COL14A1: variants seen among roughly 807,000 people sequenced by gnomAD.
COL14A1 encodes the protein collagen type XIV alpha 1 chain, also known as collagen alpha-1(XIV) chain.
A neutral mutation model predicts 230.3 loss-of-function variants in COL14A1; 136 were observed. The observed-to-expected ratio is 0.59, with a 90% CI of 0.51 to 0.68. COL14A1 has a LOEUF of 0.68. COL14A1 is among the 30% of genes least tolerant of loss of function. The pLI, the probability that COL14A1 is intolerant of heterozygous loss-of-function variation, is 0.00. For missense variants in COL14A1, 1,976 were observed against 2,215.8 expected (o/e 0.89, Z 2.17); for synonymous variants, 792 against 784.1 (o/e 1.01, Z -0.17).
At chr8:120,192,732 G>C (rs949687502) in intron 5 of COL14A1, among the ~76,000 whole-genome samples, 1 of 152,080 alleles carries the variant, frequency 6.6e-6, no homozygotes, top group East Asian at 1.9e-4. Context: ...TTTCTTGGAG[G>C]CTTTGTTCAT....
chr8:120,227,131 G>T, intron 16 of COL14A1, 89 bp from the exon 17 acceptor site: 1 of 1,438,864 alleles, frequency 6.9e-7, no homozygotes, highest in African/African-American at 1.4e-5. Flanking sequence ...CTTTATGATT[G>T]GTTGTTTCTT....
At chr8:120,332,415 C>G (rs1190438936) in intron 41 of COL14A1, among the ~76,000 whole-genome samples, 2 of 152,170 alleles carry the variant, frequency 1.3e-5, no homozygotes, top group Admixed American at 1.3e-4. Flanking sequence ...AGATCACCTG[C>G]ATTGACTTAG....
intron 19 of COL14A1, among the ~76,000 whole-genome samples, chr8:120,240,571 A>G (rs1343337009): frequency 6.6e-6 from 1 of 152,180 alleles, no homozygotes; most frequent in Non-Finnish European, 1.5e-5. Context: ...GAAAGCAAGA[A>G]AGGAAATGTG....
At chr8:120,209,688 T>A in intron 11 of COL14A1, 68 bp from the exon 12 acceptor site, 2 of 1,464,652 alleles carry the variant, frequency 1.4e-6, no homozygotes, top group Non-Finnish European at 1.8e-6. Flanking sequence ...TCTTATTTCT[T>A]GATAATTTCA....
rs562835497 is a variant in COL14A1 at position 120,205,300 on chromosome 8, G to C, written c.1039+1430G>C. On this transcript the variant is annotated intron_variant, in intron 9 of 47. Transcript: ENST00000297848. ...CATGTCTGGGATATATGAGTAAAAG[G>C]AAGTGGGAGCTCACCGCTGGGAGCT... Among the ~76,000 whole-genome samples the C allele has an allele frequency of 2.6e-5, 4 of 152,226 alleles. No individual in the cohort carries two copies. In the East Asian group the frequency reaches 7.8e-4, roughly 30 times the overall value.
chr8:120,298,860 AG>A (rs1820618393), intron 35 of COL14A1, among the ~76,000 whole-genome samples: 1 of 151,546 alleles, frequency 6.6e-6, no homozygotes, highest in Non-Finnish European at 1.5e-5. Flanking sequence ...TTATAAAGGA[AG>A]GTTTAGTTGA....
At chr8:120,130,778 A>T (rs558512471) in intron 1 of COL14A1, among the ~76,000 whole-genome samples, 1 of 152,198 alleles carries the variant, frequency 6.6e-6, no homozygotes, top group Non-Finnish European at 1.5e-5. Context: ...ACATAGGTAT[A>T]TGTGTCATGC....
chr8:120,212,370 C>A, intron 12 of COL14A1, 78 bp from the exon 13 acceptor site: 2 of 1,462,598 alleles, frequency 1.4e-6, no homozygotes, highest in Non-Finnish European at 1.9e-6. Context: ...CATGAAGTCT[C>A]ACCTTTGTTC....
intron 3 of COL14A1, among the ~76,000 whole-genome samples, chr8:120,160,021 C>T (rs1443353050): frequency 1.3e-5 from 2 of 152,022 alleles, no homozygotes; most frequent in Non-Finnish European, 2.9e-5. Context: ...AAATATTATC[C>T]GTAGACTCAT....
chr8:120,209,615 T>A, intron 11 of COL14A1, 141 bp from the exon 12 acceptor site: 2 of 800,278 alleles, frequency 2.5e-6, no homozygotes, highest in Non-Finnish European at 3.8e-6. Flanking sequence ...ATCAGCATTG[T>A]TTAACCCAGG....
At chr8:120,354,595 C>G (rs1347069635) in intron 45 of COL14A1, among the ~76,000 whole-genome samples, 3 of 152,122 alleles carry the variant, frequency 2.0e-5, no homozygotes. Context: ...TTTGCTCCAT[C>G]TGATTGTCTC....
At chr8:120,353,478 CG>C (rs1822847238) in intron 45 of COL14A1, among the ~76,000 whole-genome samples, 1 of 134,200 alleles carries the variant, frequency 7.5e-6, no homozygotes, top group East Asian at 2.2e-4. Context: ...AGAAAATTTT[CG>C]CAACCTACTC....
In COL14A1 at chr8:120,244,010, TA is replaced by T; in HGVS notation, c.2479+4del. 1 of 1,610,328 alleles carries T rather than the reference TA, an allele frequency of 6.2e-7. No individual in the cohort carries two copies. The highest frequency in any genetic ancestry group is 8.5e-7 in the Non-Finnish European group (1 of 1,178,318). ...GCGTCTCCGCTCCTGGAAAAACCTGTAAGTGAAGCTTTCTCCCTTTGAATAC... is the reference window on the plus strand; with the variant it reads ...GCGTCTCCGCTCCTGGAAAAACCTGTAGTGAAGCTTTCTCCCTTTGAATAC... On this transcript the variant is annotated splice_donor_region_variant and intron_variant, in intron 20 of 47. Coordinates refer to ENST00000297848, the MANE Select transcript of COL14A1 (RefSeq NM_021110.4).
intron 45 of COL14A1, among the ~76,000 whole-genome samples, chr8:120,356,515 T>C (rs888155298): frequency 8.5e-5 from 13 of 152,250 alleles, no homozygotes; most frequent in Admixed American, 1.3e-4. Context: ...CAGCTTGTGC[T>C]GGGCATTGAT....
At chr8:120,219,039 ATATAAT>A (rs1817849649) in intron 14 of COL14A1, among the ~76,000 whole-genome samples, 1 of 150,766 alleles carries the variant, frequency 6.6e-6, no homozygotes. Flanking sequence ...ATATTTATAA[ATATAAT>A]TATATAATAA....
At chr8:120,134,749 C>T (rs1323655830) in intron 1 of COL14A1, among the ~76,000 whole-genome samples, 1 of 152,130 alleles carries the variant, frequency 6.6e-6, no homozygotes, top group Non-Finnish European at 1.5e-5. Flanking sequence ...CCGAGGAAGT[C>T]AGATCACTTG....
intron 19 of COL14A1, among the ~76,000 whole-genome samples, chr8:120,242,458 A>T (rs1178988507): frequency 6.6e-6 from 1 of 152,182 alleles, no homozygotes; most frequent in African/African-American, 2.4e-5. Context: ...TAACATCAAC[A>T]TGGGTGGTTT....
rs536288812 is a variant in COL14A1 at position 120,160,480 on chromosome 8, A to G, written c.206-1946A>G. Among the ~76,000 whole-genome samples, 19 of 152,294 alleles carry G rather than the reference A, an allele frequency of 1.2e-4. 1 individual carries two copies. Among genetic ancestry groups the G allele is most frequent in the African/African-American group, 4.1e-4 (17 of 41,566 alleles). On this transcript the variant is annotated intron_variant, in intron 3 of 47. Transcript: ENST00000297848. Reference sequence around the variant, plus strand: ...AGCCTCTGAAACAAACCTTCATCTGAATGCTTCAATCCTCTCTTGAAGAGT... The same window carrying G: ...AGCCTCTGAAACAAACCTTCATCTGGATGCTTCAATCCTCTCTTGAAGAGT...
intron 3 of COL14A1, among the ~76,000 whole-genome samples, chr8:120,158,953 G>T (rs1365110965): frequency 6.6e-6 from 1 of 152,168 alleles, no homozygotes; most frequent in Non-Finnish European, 1.5e-5. Flanking sequence ...TTGTTATGAA[G>T]ATGAAGATGG....
Sources: allele counts gnomAD v4.1 joint callset (sites outside exome capture counted in the v4.1 genomes callset), GRCh38; gene constraint gnomAD v4.1.1; transcripts MANE v1.5; gene names NCBI Gene and HGNC (gene_info 2026-07-23, HGNC 2026-07-21).